SHROOM2: variants seen among roughly 807,000 people sequenced by gnomAD.
SHROOM2 encodes protein Shroom2.
Under a neutral mutation model 75.9 loss-of-function variants are expected in SHROOM2, and 33 were observed. That is an observed-to-expected ratio of 0.43 (90% CI 0.33 to 0.58). SHROOM2 has a LOEUF of 0.58. Ranked by LOEUF, SHROOM2 falls within the 20% of genes least tolerant of loss-of-function variation. SHROOM2 has a pLI of 0.04. For synonymous variants in SHROOM2, 655 were observed against 663.6 expected (o/e 0.99, Z 0.20); for missense variants, 1,434 against 1,461.2 (o/e 0.98, Z 0.30).
Position 9,895,386 on chromosome X carries a change from G to T in SHROOM2, c.1478G>T (p.Gly493Val), listed in dbSNP as rs61738461. 12,028 of 1,200,654 alleles carry T rather than the reference G, an allele frequency of 0.01. 49 individuals carry two copies. Among genetic ancestry groups the T allele is most frequent in the Non-Finnish European group, 0.012 (10,421 of 890,704 alleles). Residue 493 changes from glycine to valine, a missense_variant, in exon 4 of 10, where the codon GGA becomes GTA. Gly to Val is a moderately radical substitution (Grantham distance 109). Around this residue, in one of 3 missense-constraint regions of SHROOM2, gnomAD observed 1,340 missense variants for 1,338.3 expected, o/e 1.00. Transcript: ENST00000380913. The stretch of plus-strand genomic sequence containing the variant: ...CTGCAAGCAGCACAGCTCTGGGCGG[G>T]ATGCTGGCCTTCTGACACAGCCCTT... ...GDLQAAQLWA[G>V]CWPSDTALGA... is the part of the protein sequence containing the mutation.
intron 7 of SHROOM2, among the ~76,000 whole-genome samples, chrX:9,938,065 G>T (rs1290270543): frequency 3.6e-5 from 4 of 110,558 alleles, no homozygotes; most frequent in Non-Finnish European, 7.6e-5. Flanking sequence ...AGCATCTGGT[G>T]GGTGGAGCCC....
At chrX:9,819,780 C>A (rs1342223892) in intron 1 of SHROOM2, among the ~76,000 whole-genome samples, 4 of 108,319 alleles carry the variant, frequency 3.7e-5, no homozygotes. Context: ...GTCCACCCTG[C>A]CAGTTTATCT....
chrX:9,793,973 G>A (rs1435861761), intron 1 of SHROOM2, among the ~76,000 whole-genome samples: 1 of 111,631 alleles, frequency 9.0e-6, no homozygotes, highest in African/African-American at 3.3e-5. Flanking sequence ...CTGAACTCAT[G>A]GCCTCAAGTG....
At chrX:9,814,546 G>A (rs1257687073) in intron 1 of SHROOM2, among the ~76,000 whole-genome samples, 3 of 111,134 alleles carry the variant, frequency 2.7e-5, no homozygotes, top group Non-Finnish European at 5.7e-5. Context: ...CAGGGGTGTC[G>A]GGGGTGGCTC....
At chrX:9,936,178 C>G in intron 6 of SHROOM2, among the ~76,000 whole-genome samples, 1 of 110,026 alleles carries the variant, frequency 9.1e-6, no homozygotes. Context: ...GGTCACTGAT[C>G]TCAGCTCACT....
At chrX:9,879,097 T>C (rs946074312) in intron 2 of SHROOM2, among the ~76,000 whole-genome samples, 10 of 110,828 alleles carry the variant, frequency 9.0e-5, no homozygotes, top group East Asian at 5.7e-4. Context: ...AATCTTGCTC[T>C]GTTGCCCAGG....
chrX:9,829,625 A>G (rs2083905447), intron 1 of SHROOM2, among the ~76,000 whole-genome samples: 1 of 112,195 alleles, frequency 8.9e-6, no homozygotes, highest in Middle Eastern at 4.6e-3. Context: ...GTCCTAGTAC[A>G]AGGCATTTTT....
intron 1 of SHROOM2, among the ~76,000 whole-genome samples, chrX:9,860,802 G>A (rs1045547773): frequency 8.9e-6 from 1 of 111,863 alleles, no homozygotes; most frequent in Non-Finnish European, 1.9e-5. Context: ...ATTGACAGAC[G>A]AGTGGATAAA....
intron 1 of SHROOM2, among the ~76,000 whole-genome samples, chrX:9,856,788 C>A (rs1369488015): frequency 8.9e-6 from 1 of 111,767 alleles, no homozygotes; most frequent in Non-Finnish European, 1.9e-5. Flanking sequence ...TGTTTAAGAC[C>A]AGAAGAAAAG....
At chrX:9,886,133 C>CA (rs765578825) in intron 2 of SHROOM2, among the ~76,000 whole-genome samples, 48 of 110,887 alleles carry the variant, frequency 4.3e-4, no homozygotes, top group South Asian at 1.1e-3. Flanking sequence ...TGTGCTTGTG[C>CA]AGGAATAAAC....
chrX:9,787,458 G>T (rs989297358), intron 1 of SHROOM2, among the ~76,000 whole-genome samples: 5 of 112,542 alleles, frequency 4.4e-5, no homozygotes, highest in African/African-American at 1.6e-4. Flanking sequence ...ATAAACAACA[G>T]TCCAGTCACC....
chrX:9,813,551 G>A (rs1162926022), intron 1 of SHROOM2, among the ~76,000 whole-genome samples: 1 of 111,534 alleles, frequency 9.0e-6, no homozygotes, highest in Non-Finnish European at 1.9e-5. Context: ...CACATAAATT[G>A]TTCGTAATGT....
chrX:9,814,639 C>T (rs1403722396), intron 1 of SHROOM2, among the ~76,000 whole-genome samples: 1 of 111,190 alleles, frequency 9.0e-6, no homozygotes, highest in Non-Finnish European at 1.9e-5. Flanking sequence ...GGGTTTATCT[C>T]CTCAGACAAA....
At chrX:9,845,679 C>T (rs1304844536) in intron 1 of SHROOM2, among the ~76,000 whole-genome samples, 1 of 110,578 alleles carries the variant, frequency 9.0e-6, no homozygotes, top group Non-Finnish European at 1.9e-5. Flanking sequence ...CTCCCGTCAC[C>T]CTCCTTTCTG....
At chrX:9,852,489 T>C (rs762696162) in intron 1 of SHROOM2, among the ~76,000 whole-genome samples, 2 of 112,272 alleles carry the variant, frequency 1.8e-5, no homozygotes, top group East Asian at 5.6e-4. Context: ...TACCAAAGGC[T>C]TTCTCTTTCT....
At chrX:9,792,093 AT>A (rs2083660956) in intron 1 of SHROOM2, among the ~76,000 whole-genome samples, 1 of 14,986 alleles carries the variant, frequency 6.7e-5, no homozygotes, top group Non-Finnish European at 1.5e-4. Flanking sequence ...ATAGAATAGA[AT>A]AGAATAGAAT....
intron 5 of SHROOM2, among the ~76,000 whole-genome samples, chrX:9,909,755 A>C (rs1003727017): frequency 8.9e-6 from 1 of 112,497 alleles, no homozygotes; most frequent in Non-Finnish European, 1.9e-5. Context: ...AAAACAAGGA[A>C]AGCCTGAGAA....
At position 9,895,032 on chromosome X, in the gene SHROOM2, C is replaced by T. The variant is rs777863206; in HGVS notation, c.1124C>T (p.Pro375Leu). Residue 375 changes from proline to leucine, a missense_variant, in exon 4 of 10, where the codon CCG (proline) becomes CTG (leucine). This residue lies in a region of SHROOM2 where 1,340 missense variants were observed against 1,338.3 expected (regional missense o/e 1.00). Coordinates refer to ENST00000380913, the MANE Select transcript of SHROOM2 (RefSeq NM_001649.4). Reference sequence around the variant, plus strand: ...GATCGGCCTTGGAGGTCAGCACACCCGGGGAGCCTCGGGAAGGGATCGGGA... The same window carrying T: ...GATCGGCCTTGGAGGTCAGCACACCTGGGGAGCCTCGGGAAGGGATCGGGA... The part of the protein sequence containing the change: ...LTDRPWRSAH[P>L]GSLGKGSGGP... The T allele has an allele frequency of 5.8e-6, 7 of 1,206,864 alleles. No individual in the cohort carries two copies. The highest frequency in any genetic ancestry group is 1.8e-5 in the South Asian group (1 of 56,206).
At position 9,939,352 on chromosome X, in the gene SHROOM2, C is replaced by T. The variant is rs1195276955; in HGVS notation, c.4297C>T (p.Leu1433=). The change falls in exon 8 of 10, where the codon CTG becomes TTG. Residue 1433 remains leucine, a synonymous_variant. Transcript: ENST00000380913. Reference sequence around the variant, plus strand: ...TTCGGGAAGCGACTTGGACCACGACCTGTCGGTGAAGAAGGTAGGAGAGTC... The same window carrying T: ...TTCGGGAAGCGACTTGGACCACGACTTGTCGGTGAAGAAGGTAGGAGAGTC... ...EDSGSDLDHD[L]SVKKQELIES... is the part of the protein sequence containing the mutation. 8.3e-7 allele frequency: 1 copy of T among 1,205,315 alleles called. No homozygotes were observed. Among genetic ancestry groups the T allele is most frequent in the South Asian group, 1.8e-5 (1 of 55,419 alleles).
Sources: allele counts gnomAD v4.1 joint callset (sites outside exome capture counted in the v4.1 genomes callset), GRCh38; gene constraint gnomAD v4.1.1; regional missense constraint gnomAD v4.1.1; transcripts MANE v1.5; gene names NCBI Gene and HGNC (gene_info 2026-07-23, HGNC 2026-07-21).